USH2A: variants seen among roughly 807,000 people sequenced by gnomAD.
USH2A encodes Usher syndrome 2A (autosomal recessive, mild).
Under a neutral mutation model 538.9 loss-of-function variants are expected in USH2A, and 443 were observed. The ratio of observed to expected loss-of-function variants is 0.82; its 90% CI spans 0.76 to 0.89. The LOEUF (loss-of-function observed/expected upper bound fraction) is 0.89. Ranked by LOEUF, USH2A falls within the 40% of genes least tolerant of loss-of-function variation. The pLI, the probability that USH2A is intolerant of heterozygous loss-of-function variation, is 0.00. For synonymous variants in USH2A, 2,413 were observed against 2,273.5 expected, an observed-to-expected ratio of 1.06 and a Z score of -1.75; for missense variants, 6,633 against 6,324.8, an observed-to-expected ratio of 1.05 and a Z score of -1.65.
In USH2A at chr1:215,914,184, C is replaced by T. The variant is rs547625220; in HGVS notation, c.7301-13279G>A. On this transcript the variant is annotated intron_variant, in intron 38 of 71. Coordinates refer to ENST00000307340, the MANE Select transcript of USH2A (RefSeq NM_206933.4). Reference sequence around the variant, plus strand: ...CGCCTCCTAGGTTCGAGCGATTCTTCTGCCTCAGCCTCCTGAGTAGCAACA... The same window carrying T: ...CGCCTCCTAGGTTCGAGCGATTCTTTTGCCTCAGCCTCCTGAGTAGCAACA... 3.4e-5 allele frequency among the ~76,000 whole-genome samples: 5 copies of T among 147,344 alleles called. No homozygotes were observed. The South Asian group carries it at 1.1e-3, about 31-fold the overall frequency.
chr1:216,418,797 C>T (rs1180761740), intron 2 of USH2A, 118 bp from the exon 3 acceptor site: 2 of 1,027,190 alleles, frequency 1.9e-6, no homozygotes, highest in South Asian at 2.7e-5. Context: ...AAATGGTGTA[C>T]TATGAATAAG....
At chr1:216,074,353 A>G (rs2031677408) in intron 27 of USH2A, among the ~76,000 whole-genome samples, 2 of 144,296 alleles carry the variant, frequency 1.4e-5, no homozygotes, top group South Asian at 4.4e-4. Context: ...TCTCTCTCCG[A>G]ACAAAACACT....
At chr1:216,194,329 G>A (rs2034789429) in intron 19 of USH2A, 1 of 152,022 alleles carries the variant, frequency 6.6e-6, no homozygotes, top group South Asian at 2.1e-4. Context: ...TAATTCACTG[G>A]TTTGGTGGAA....
chr1:216,297,321 A>C (rs979123568), intron 9 of USH2A, among the ~76,000 whole-genome samples: 7 of 152,116 alleles, frequency 4.6e-5, no homozygotes, highest in African/African-American at 1.7e-4. Flanking sequence ...TAAAGAGGTT[A>C]AGTAACATTA....
At chr1:215,762,708 T>G (rs947567356) in intron 56 of USH2A, among the ~76,000 whole-genome samples, 1 of 152,276 alleles carries the variant, frequency 6.6e-6, no homozygotes. Context: ...CCCTTCACCA[T>G]GTAACTCTGG....
chr1:216,355,549 A>G (rs1333632192), intron 4 of USH2A, among the ~76,000 whole-genome samples: 2 of 152,152 alleles, frequency 1.3e-5, no homozygotes, highest in Non-Finnish European at 1.5e-5. Context: ...AAAAGTAAAG[A>G]CATTTTTACA....
intron 30 of USH2A, 80 bp from the exon 31 acceptor site, chr1:216,048,727 G>A: frequency 8.7e-7 from 1 of 1,154,822 alleles, no homozygotes. Context: ...ATCTGTGTGT[G>A]TGTCTATAAG....
Position 215,836,815 on chromosome 1 carries a change from C to A in USH2A, c.9371+1176G>T, listed in dbSNP as rs531531633. Reference sequence around the variant, plus strand: ...TTGTGATCCGCCCGCCTCGGCCTCCCAAAGTGCTGGGATTACAGGCGTGAG... The same window carrying A: ...TTGTGATCCGCCCGCCTCGGCCTCCAAAAGTGCTGGGATTACAGGCGTGAG... On this transcript the variant is annotated intron_variant, in intron 47 of 71. Coordinates refer to ENST00000307340, the MANE Select transcript of USH2A (RefSeq NM_206933.4). Among the ~76,000 whole-genome samples, 811 of 151,142 alleles carry A rather than the reference C, an allele frequency of 5.4e-3. 6 individuals are homozygous for A. The highest frequency in any genetic ancestry group is 0.018 in the African/African-American group (750 of 41,226).
At chr1:215,971,690 A>G (rs1480288523) in intron 35 of USH2A, among the ~76,000 whole-genome samples, 2 of 152,204 alleles carry the variant, frequency 1.3e-5, no homozygotes, top group Non-Finnish European at 2.9e-5. Context: ...AACTAATTAT[A>G]TAAACAAGAA....
intron 47 of USH2A, among the ~76,000 whole-genome samples, chr1:215,826,049 T>C (rs1663142994): frequency 6.6e-6 from 1 of 152,162 alleles, no homozygotes; most frequent in Non-Finnish European, 1.5e-5. Context: ...AGAATTCTAG[T>C]GGCCAGAGAT....
chr1:216,073,084 A>G lies in USH2A; in HGVS notation c.5776+13T>C, dbSNP rs758654199. ...AGACATGTAACATTTAATTTAGAGGACCTCCACATTACCTGTAAAAGGCTG... is the reference window on the plus strand; with the variant it reads ...AGACATGTAACATTTAATTTAGAGGGCCTCCACATTACCTGTAAAAGGCTG... On this transcript the variant is annotated intron_variant, in intron 28 of 71. Transcript: ENST00000307340. The G allele has an allele frequency of 1.2e-6, 2 of 1,613,370 alleles. 1 individual carries two copies. Among genetic ancestry groups the G allele is most frequent in the Admixed American group, 3.3e-5 (2 of 59,834 alleles).
At chr1:215,836,865 A>G (rs1663548068) in intron 47 of USH2A, among the ~76,000 whole-genome samples, 1 of 151,568 alleles carries the variant, frequency 6.6e-6, no homozygotes, top group Non-Finnish European at 1.5e-5. Context: ...CTTGCCTTCT[A>G]TATTATTATA....
intron 35 of USH2A, among the ~76,000 whole-genome samples, chr1:215,987,057 A>G (rs1183203464): frequency 2.6e-5 from 4 of 152,248 alleles, no homozygotes; most frequent in Non-Finnish European, 5.9e-5. Flanking sequence ...TATTTAAAAA[A>G]AACACATATT....
chr1:215,795,140 T>C (rs1662089480), intron 50 of USH2A, among the ~76,000 whole-genome samples: 1 of 152,206 alleles, frequency 6.6e-6, no homozygotes, highest in Admixed American at 6.5e-5. Flanking sequence ...GTTCAAATCC[T>C]TTTGCCTACT....
intron 68 of USH2A, 39 bp downstream of exon 68, chr1:215,640,519 A>G (rs1656638963): frequency 1.2e-6 from 2 of 1,611,822 alleles, no homozygotes; most frequent in Non-Finnish European, 1.7e-6. Context: ...TGGGGAACAG[A>G]GCGCCTTCCA....
At chr1:216,091,072 C>T (rs909024217) in intron 22 of USH2A, among the ~76,000 whole-genome samples, 2 of 152,122 alleles carry the variant, frequency 1.3e-5, no homozygotes, top group African/African-American at 4.8e-5. Flanking sequence ...GCATGACAAA[C>T]TCACTTTATA....
intron 37 of USH2A, among the ~76,000 whole-genome samples, chr1:215,939,153 T>G (rs1264933738): frequency 6.6e-6 from 1 of 152,178 alleles, no homozygotes; most frequent in Non-Finnish European, 1.5e-5. Flanking sequence ...GGGTTTCTGA[T>G]TTAAGTATTA....
At chr1:215,810,344 A>T (rs1474646800) in intron 49 of USH2A, among the ~76,000 whole-genome samples, 1 of 152,164 alleles carries the variant, frequency 6.6e-6, no homozygotes, top group Non-Finnish European at 1.5e-5. Context: ...TTTTATTTTG[A>T]AACCTAACAA....
chr1:216,348,433 AC>A (rs1166827329), intron 4 of USH2A, among the ~76,000 whole-genome samples: 2 of 151,946 alleles, frequency 1.3e-5, no homozygotes, highest in African/African-American at 4.8e-5. Context: ...TTTCTGATAG[AC>A]TCAGGGGCCC....
Sources: allele counts gnomAD v4.1 joint callset (sites outside exome capture counted in the v4.1 genomes callset), GRCh38; gene constraint gnomAD v4.1.1; transcripts MANE v1.5; gene names NCBI Gene and HGNC (gene_info 2026-07-23, HGNC 2026-07-21).